HIVEP3: variants seen among roughly 807,000 people sequenced by gnomAD.
The protein encoded by HIVEP3 is transcription factor HIVEP3.
A neutral mutation model predicts 152.8 loss-of-function variants in HIVEP3; 49 were observed. The ratio of observed to expected loss-of-function variants is 0.32; its 90% confidence interval spans 0.26 to 0.41. The LOEUF is 0.41. Ranked by LOEUF, HIVEP3 falls within the 10% of genes least tolerant of loss-of-function variation. The pLI is 1.00. For missense variants in HIVEP3, 2,790 were observed against 3,103.3 expected (o/e 0.90, Z 2.40); for synonymous variants, 1,269 against 1,289.0 (o/e 0.98, Z 0.33).
chr1:41,794,762 T>G (rs349440), intron 1 of HIVEP3, among the ~76,000 whole-genome samples: 14,770 of 152,232 alleles, frequency 0.097, 2,037 homozygotes, highest in African/African-American at 0.3. Context: ...TATTTTATAT[T>G]TATTTTGTCC....
intron 1 of HIVEP3, among the ~76,000 whole-genome samples, chr1:41,827,527 G>A (rs1474674577): frequency 6.6e-6 from 1 of 152,150 alleles, no homozygotes; most frequent in Non-Finnish European, 1.5e-5. Flanking sequence ...GGGGTGGGCT[G>A]GGGACAGTGA....
chr1:41,853,276 C>G (rs111700828), intron 1 of HIVEP3, among the ~76,000 whole-genome samples: 2 of 152,100 alleles, frequency 1.3e-5, no homozygotes, highest in African/African-American at 4.8e-5. Flanking sequence ...TGTTCTCACA[C>G]GGCTATAAGG....
At position 41,580,666 on chromosome 1, in the gene HIVEP3, G is replaced by A. The variant is rs147665727; in HGVS notation, c.4132C>T (p.Pro1378Ser). The A allele has an allele frequency of 9.3e-6, 15 of 1,613,572 alleles. No homozygotes were observed. In the African/African-American group the frequency reaches 1.3e-4, roughly 14 times the overall value. Residue 1378 changes from proline to serine, a missense_variant, in exon 4 of 9, where the codon CCC becomes TCC. Physicochemically the swap from Pro to Ser is moderately conservative, Grantham distance 74. This residue lies in a region of HIVEP3 where 1,078 missense variants were observed against 1,165.3 expected (regional missense o/e 0.93). Transcript: ENST00000372583. ...TCTTCACTTAACCCAGAAGGGCCGG[G>A]CCCAACCTCATGCACATCTGCACCA... ...VCGADVHEVG[P>S]GPSGLSEEQS...
intron 1 of HIVEP3, among the ~76,000 whole-genome samples, chr1:41,723,114 CT>C (rs1479626504): frequency 2.0e-5 from 3 of 151,436 alleles, no homozygotes; most frequent in Non-Finnish European, 4.4e-5. Context: ...AAAGATCCCC[CT>C]GGTGCACTAT....
intron 1 of HIVEP3, among the ~76,000 whole-genome samples, chr1:41,829,153 A>C (rs537463654): frequency 3.3e-5 from 5 of 152,272 alleles, no homozygotes; most frequent in Admixed American, 3.3e-4. Flanking sequence ...ATGGAGTGGA[A>C]GCGTCACAGG....
intron 2 of HIVEP3, among the ~76,000 whole-genome samples, chr1:41,644,053 A>AT (rs997487499): frequency 6.6e-6 from 1 of 151,656 alleles, no homozygotes; most frequent in Non-Finnish European, 1.5e-5. Flanking sequence ...CACCCAGCTA[A>AT]TTTTTTTATT....
At chr1:41,627,798 C>T (rs1211360174) in intron 3 of HIVEP3, among the ~76,000 whole-genome samples, 1 of 152,164 alleles carries the variant, frequency 6.6e-6, no homozygotes, top group South Asian at 2.1e-4. Context: ...GCATCAGAAT[C>T]AATGTAGATT....
intron 2 of HIVEP3, among the ~76,000 whole-genome samples, chr1:41,631,603 G>A (rs1286815482): frequency 6.6e-6 from 1 of 151,940 alleles, no homozygotes; most frequent in African/African-American, 2.4e-5. Context: ...CCCCCCTGCT[G>A]TCCCCTTCCC....
At chr1:41,865,251 A>G (rs1010768704) in intron 1 of HIVEP3, among the ~76,000 whole-genome samples, 11 of 152,204 alleles carry the variant, frequency 7.2e-5, no homozygotes, top group African/African-American at 2.7e-4. Flanking sequence ...ATTAGGAGCA[A>G]TAAGGATCAG....
intron 1 of HIVEP3, among the ~76,000 whole-genome samples, chr1:41,723,533 C>G (rs1177874389): frequency 7.3e-6 from 1 of 136,596 alleles, no homozygotes. Context: ...ACACACACAG[C>G]CACCATAAAA....
At chr1:41,893,122 CAAAA>C (rs59214004) in intron 1 of HIVEP3, among the ~76,000 whole-genome samples, 1 of 76,828 alleles carries the variant, frequency 1.3e-5, no homozygotes, top group Non-Finnish European at 2.8e-5. Context: ...GATCTCGTCT[CAAAA>C]AAAAAAAAAA....
At chr1:41,962,885 T>A (rs1645176309) in intron 1 of HIVEP3, among the ~76,000 whole-genome samples, 1 of 152,210 alleles carries the variant, frequency 6.6e-6, no homozygotes, top group South Asian at 2.1e-4. Context: ...CCAGATAATT[T>A]TTCATCATGG....
intron 5 of HIVEP3, among the ~76,000 whole-genome samples, chr1:41,545,501 TAC>T (rs1643751836): frequency 1.6e-5 from 1 of 61,630 alleles, no homozygotes; most frequent in Non-Finnish European, 3.4e-5. Context: ...TCACCACCAC[TAC>T]CACCATCGCT....
At chr1:41,885,826 T>C (rs2124433213) in intron 1 of HIVEP3, among the ~76,000 whole-genome samples, 1 of 143,002 alleles carries the variant, frequency 7.0e-6, no homozygotes, top group East Asian at 2.4e-4. Context: ...TTCCTATTTC[T>C]GAGCACTTCT....
chr1:41,580,227 G>T lies in HIVEP3; in HGVS notation c.4571C>A (p.Thr1524Lys), dbSNP rs200089863. The T allele has an allele frequency of 6.2e-7, 1 of 1,613,000 alleles. No individual in the cohort carries two copies. Among genetic ancestry groups the T allele is most frequent in the East Asian group, 2.2e-5 (1 of 44,862 alleles). Reference sequence around the variant, plus strand: ...CTTCAAAGCTTCTGAGCCTGGGGCTGTCCCATGGGACAATGCAGGGTGAGG... The same window carrying T: ...CTTCAAAGCTTCTGAGCCTGGGGCTTTCCCATGGGACAATGCAGGGTGAGG... ...PLPHPALSHG[T>K]APGSEALKEY... is the part of the protein sequence containing the mutation. Residue 1524 changes from threonine (T) to lysine (K), a missense_variant, in exon 4 of 9, where the codon ACA becomes AAA. Transcript: ENST00000372583.
At chr1:41,569,983 G>A (rs1333748228) in intron 5 of HIVEP3, among the ~76,000 whole-genome samples, 3 of 152,230 alleles carry the variant, frequency 2.0e-5, no homozygotes. Context: ...GCTGTGCTGT[G>A]GACAAAGGGT....
intron 1 of HIVEP3, among the ~76,000 whole-genome samples, chr1:41,946,262 A>G (rs1402291749): frequency 6.6e-6 from 1 of 152,186 alleles, no homozygotes; most frequent in Non-Finnish European, 1.5e-5. Context: ...AGGTCCTCTG[A>G]GTCAGAAGCC....
At chr1:42,002,630 C>T (rs915078283) in intron 1 of HIVEP3, among the ~76,000 whole-genome samples, 3 of 152,176 alleles carry the variant, frequency 2.0e-5, no homozygotes, top group African/African-American at 7.2e-5. Context: ...CAGCCAATTC[C>T]ATCAGCAGAT....
chr1:41,804,951 AG>A (rs2124318008), intron 1 of HIVEP3, among the ~76,000 whole-genome samples: 1 of 152,366 alleles, frequency 6.6e-6, no homozygotes, highest in African/African-American at 2.4e-5. Context: ...AGAAGCTTCT[AG>A]GAGAAAACAA....
Sources: allele counts gnomAD v4.1 joint callset (sites outside exome capture counted in the v4.1 genomes callset), GRCh38; gene constraint gnomAD v4.1.1; regional missense constraint gnomAD v4.1.1; transcripts MANE v1.5; gene names NCBI Gene and HGNC (gene_info 2026-07-23, HGNC 2026-07-21).